Variants in SLC2A1 observed in about 807,000 individuals in gnomAD.
The protein encoded by SLC2A1 is solute carrier family 2 member 1.
SLC2A1 carries 4 observed loss-of-function variants against 46.6 expected under a neutral mutation model. The observed-to-expected ratio is 0.09, with a 90% CI of 0.04 to 0.20. The LOEUF is 0.20. Ranked by LOEUF, SLC2A1 falls within the 10% of genes least tolerant of loss-of-function variation. The pLI, the probability that SLC2A1 is intolerant of heterozygous loss-of-function variation, is 1.00. For synonymous variants in SLC2A1, 253 were observed against 270.0 expected, an observed-to-expected ratio of 0.94 and a Z score of 0.62; for missense variants, 352 against 667.0, an observed-to-expected ratio of 0.53 and a Z score of 5.20.
At chr1:42,937,457 A>T (rs1643553178) in intron 2 of SLC2A1, among the ~76,000 whole-genome samples, 1 of 152,244 alleles carries the variant, frequency 6.6e-6, no homozygotes, top group African/African-American at 2.4e-5. Context: ...ACTGCCAGCT[A>T]GGTGGCAGTT....
In SLC2A1 at chr1:42,926,726, G is replaced by GA; in HGVS notation, c.*314dup. On this transcript the variant is annotated 3_prime_UTR_variant, in exon 10 of 10. Coordinates refer to ENST00000426263, the MANE Select transcript of SLC2A1 (RefSeq NM_006516.4). The stretch of plus-strand genomic sequence containing the variant: ...GGCTTAGTCTCCACCCTCAGGCATG[G>GA]AACCATTCAGGGTGAAGCCTGGGAT... 7.3e-7 allele frequency: 1 copy of GA among 1,378,582 alleles called. No homozygotes were observed. Among genetic ancestry groups the GA allele is most frequent in the Non-Finnish European group, 9.5e-7 (1 of 1,047,642 alleles). The allele number at this position is 1,378,582 out of a possible 1,614,324, so 85.4% of individuals were successfully genotyped here. A position where few individuals can be genotyped will look rare whatever the true frequency, so the allele number is the denominator to read the frequency against.
intron 1 of SLC2A1, among the ~76,000 whole-genome samples, chr1:42,944,234 G>T (rs542969910): frequency 6.6e-6 from 1 of 152,210 alleles, no homozygotes; most frequent in Non-Finnish European, 1.5e-5. Flanking sequence ...AGGACCTAAG[G>T]CAGCAGGAAG....
At chr1:42,958,163 G>T (rs1281713451) in intron 1 of SLC2A1, among the ~76,000 whole-genome samples, 1 of 152,050 alleles carries the variant, frequency 6.6e-6, no homozygotes, top group East Asian at 1.9e-4. Flanking sequence ...GAGAGCGGGG[G>T]CGGCTCCTGA....
Position 42,926,612 on chromosome 1 carries a change from T to G in SLC2A1, c.*429A>C. On this transcript the variant is annotated 3_prime_UTR_variant, in exon 10 of 10. Coordinates refer to ENST00000426263, the MANE Select transcript of SLC2A1 (RefSeq NM_006516.4). ...CATAGCCACCTCCTGGGATAGAAGC[T>G]TTGTAGTTCATAGTTCGATTAGTGT... 1 of 1,011,338 alleles carries G rather than the reference T, an allele frequency of 9.9e-7. No individual in the cohort carries two copies. Among genetic ancestry groups the G allele is most frequent in the Non-Finnish European group, 1.3e-6 (1 of 750,036 alleles). 62.6% of individuals were successfully genotyped at this position (1,011,338 alleles called of 1,614,324 possible). A position where few individuals can be genotyped will look rare whatever the true frequency, so the allele number is the denominator to read the frequency against.
At chr1:42,956,042 G>C (rs867217921) in intron 1 of SLC2A1, among the ~76,000 whole-genome samples, 1 of 152,090 alleles carries the variant, frequency 6.6e-6, no homozygotes, top group Middle Eastern at 3.2e-3. Context: ...GACCTCCCCA[G>C]GCCTCTAACA....
At chr1:42,928,206 A>G (rs1200595289) in intron 8 of SLC2A1, among the ~76,000 whole-genome samples, 2 of 152,236 alleles carry the variant, frequency 1.3e-5, no homozygotes, top group African/African-American at 4.8e-5. Flanking sequence ...AGCGCTAAGC[A>G]TACGGTTCTG....
Position 42,926,902 on chromosome 1 carries a change from T to G in SLC2A1, c.*139A>C. The G allele has an allele frequency of 6.6e-7, 1 of 1,510,766 alleles. No homozygotes were observed. Among genetic ancestry groups the G allele is most frequent in the Non-Finnish European group, 8.8e-7 (1 of 1,136,198 alleles). 93.6% of individuals were successfully genotyped at this position (1,510,766 alleles called of 1,614,324 possible). On this transcript the variant is annotated 3_prime_UTR_variant, in exon 10 of 10. Coordinates refer to ENST00000426263, the MANE Select transcript of SLC2A1 (RefSeq NM_006516.4). ...TAAGTCCTGAATATTCTTCTGGACATCATTGCTGGCTGGAGAAAGGAGCCC... is the reference window on the plus strand; with the variant it reads ...TAAGTCCTGAATATTCTTCTGGACAGCATTGCTGGCTGGAGAAAGGAGCCC...
chr1:42,945,747 AAAAAAAC>A (rs1176280562), intron 1 of SLC2A1, among the ~76,000 whole-genome samples: 10 of 139,192 alleles, frequency 7.2e-5, no homozygotes, highest in East Asian at 4.2e-4. Flanking sequence ...TCAAAAAAAA[AAAAAAAC>A]AAAAAACAAA....
chr1:42,951,316 C>CAT (rs1336062463), intron 1 of SLC2A1, among the ~76,000 whole-genome samples: 1 of 151,968 alleles, frequency 6.6e-6, no homozygotes, highest in African/African-American at 2.4e-5. Flanking sequence ...TTTCACATAA[C>CAT]ATGTATGTGT....
chr1:42,931,858 A>T (rs1252554319), intron 2 of SLC2A1, among the ~76,000 whole-genome samples: 1 of 150,484 alleles, frequency 6.6e-6, no homozygotes, highest in Non-Finnish European at 1.5e-5. Context: ...AGAAATACAG[A>T]AGGAAAAGGG....
In SLC2A1 at chr1:42,926,379, A is replaced by G. The variant is rs1352172403; in HGVS notation, c.*662T>C. 1 of 173,882 alleles carries G rather than the reference A, an allele frequency of 5.8e-6. No individual in the cohort carries two copies. Among genetic ancestry groups the G allele is most frequent in the Non-Finnish European group, 1.3e-5 (1 of 79,424 alleles). 10.8% of individuals were successfully genotyped at this position (173,882 alleles called of 1,614,324 possible). On this transcript the variant is annotated 3_prime_UTR_variant, in exon 10 of 10. Transcript: ENST00000426263. ...CTCCCACAGGCCCTCTTCTCATGGT[A>G]ATAGTGTGGCCCTCAGTGCAAAGGA...
Position 42,927,361 on chromosome 1 carries a change from G to A in SLC2A1, c.1279-120C>T. Reference sequence around the variant, plus strand: ...TGAAAAGGGAACATCCACCTACCCAGGGATGCTATCATAATTAACTGAGAC... The same window carrying A: ...TGAAAAGGGAACATCCACCTACCCAAGGATGCTATCATAATTAACTGAGAC... On this transcript the variant is annotated intron_variant, in intron 9 of 9. Transcript: ENST00000426263. This position sits in a 1 kb window ranked among gnomAD's most constrained non-coding sequence, Gnocchi z 5.3. 1.1e-6 allele frequency: 1 copy of A among 945,658 alleles called. No individual in the cohort carries two copies. Among genetic ancestry groups the A allele is most frequent in the South Asian group, 1.4e-5 (1 of 72,694 alleles). The allele number at this position is 945,658 out of a possible 1,614,324, so 58.6% of individuals were successfully genotyped here. A position where few individuals can be genotyped will look rare whatever the true frequency, so the allele number is the denominator to read the frequency against.
In SLC2A1 at chr1:42,926,519, G is replaced by A. The variant is rs962427561; in HGVS notation, c.*522C>T. 6 of 305,536 alleles carry A rather than the reference G, an allele frequency of 2.0e-5. No individual in the cohort carries two copies. In the Admixed American group the frequency reaches 2.0e-4, roughly 10 times the overall value. 18.9% of individuals were successfully genotyped at this position (305,536 alleles called of 1,614,324 possible). A position where few individuals can be genotyped will look rare whatever the true frequency, so the allele number is the denominator to read the frequency against. On this transcript the variant is annotated 3_prime_UTR_variant, in exon 10 of 10. Transcript: ENST00000426263. Reference sequence around the variant, plus strand: ...TTGAGTGGTTGGGTAGGAAGAGATGGGAAGGGGCAAATCCTAATGGAGCCT... The same window carrying A: ...TTGAGTGGTTGGGTAGGAAGAGATGAGAAGGGGCAAATCCTAATGGAGCCT...
intron 1 of SLC2A1, chr1:42,951,940 AGAGAAAATTACACT>A (rs1378694392): frequency 2.5e-6 from 1 of 403,308 alleles, no homozygotes; most frequent in Non-Finnish European, 4.4e-6. Context: ...CCTACAGAAG[AGAGAAAATTACACT>A]GGAATTCATC....
intron 1 of SLC2A1, among the ~76,000 whole-genome samples, chr1:42,946,870 T>G (rs1300300351): frequency 6.6e-6 from 1 of 152,220 alleles, no homozygotes; most frequent in Non-Finnish European, 1.5e-5. Flanking sequence ...GACCCACGTT[T>G]AAATGCAGCA....
At chr1:42,944,593 C>T (rs1206279998) in intron 1 of SLC2A1, among the ~76,000 whole-genome samples, 1 of 149,504 alleles carries the variant, frequency 6.7e-6, no homozygotes, top group Non-Finnish European at 1.5e-5. Context: ...TGTTACCAGG[C>T]ATATTCCCAG....
intron 1 of SLC2A1, among the ~76,000 whole-genome samples, chr1:42,951,452 C>T (rs985725894): frequency 1.3e-5 from 2 of 152,174 alleles, no homozygotes; most frequent in Non-Finnish European, 2.9e-5. Context: ...GAGAGAAACA[C>T]TGCCAGTATT....
rs1051111097 is a variant in SLC2A1 at position 42,954,171 on chromosome 1, G to A, written c.18+4463C>T. On this transcript the variant is annotated intron_variant, in intron 1 of 9. Transcript: ENST00000426263. The surrounding 1 kb of genome is among the most constrained non-coding windows in gnomAD (Gnocchi z 4.2). ...GTCTGGGGATTCCTGCTCATTTGGG[G>A]TGGGTGGAGGATGGCACAGACAGGC... Among the ~76,000 whole-genome samples the A allele has an allele frequency of 6.6e-5, 10 of 152,022 alleles. No homozygotes were observed. Among genetic ancestry groups the A allele is most frequent in the Non-Finnish European group, 1.3e-4 (9 of 68,022 alleles).
chr1:42,940,736 A>G (rs1166539097), intron 2 of SLC2A1, among the ~76,000 whole-genome samples: 2 of 152,126 alleles, frequency 1.3e-5, no homozygotes, highest in African/African-American at 4.8e-5. Flanking sequence ...CGTGAGCCAC[A>G]TGCCCGGCCT....
Sources: allele counts gnomAD v4.1 joint callset (sites outside exome capture counted in the v4.1 genomes callset), GRCh38; gene constraint gnomAD v4.1.1; non-coding constraint Gnocchi (gnomAD v3.1); transcripts MANE v1.5; gene names NCBI Gene and HGNC (gene_info 2026-07-23, HGNC 2026-07-21).